The following WDR72 variants were observed in gnomAD, a reference collection of about 807,000 sequenced individuals.
WDR72 encodes the protein WD repeat-containing protein 72.
Under a neutral mutation model 124.2 loss-of-function variants are expected in WDR72, and 120 were observed. The ratio of observed to expected loss-of-function variants is 0.97; its 90% CI spans 0.83 to 1.12. WDR72 has a LOEUF of 1.12. Ranked by LOEUF, WDR72 falls within the 50% of genes most tolerant of loss-of-function variation. The pLI is 0.00. For synonymous variants in WDR72, 452 were observed against 441.7 expected, an observed-to-expected ratio of 1.02 and a Z score of -0.29; for missense variants, 1,387 against 1,278.8, an observed-to-expected ratio of 1.08 and a Z score of -1.29.
At chr15:53,703,062 C>G (rs886552392) in intron 11 of WDR72, among the ~76,000 whole-genome samples, 1 of 151,702 alleles carries the variant, frequency 6.6e-6, no homozygotes, top group Non-Finnish European at 1.5e-5. Flanking sequence ...CACAGGTGAG[C>G]GCCACCATGC....
In WDR72 at chr15:53,522,941, A is replaced by G. The variant is rs527249815; in HGVS notation, c.3253+277T>C. On this transcript the variant is annotated intron_variant, in intron 19 of 19. Coordinates refer to ENST00000360509, the MANE Select transcript of WDR72 (RefSeq NM_182758.4). ...TCTATAGTTTCCAATCTCTGGCTCT[A>G]TTAACCATTTAGCCTAAAATTGATG... Among the ~76,000 whole-genome samples, 3 of 152,150 alleles carry G rather than the reference A, an allele frequency of 2.0e-5. No individual in the cohort carries two copies. The East Asian group carries it at 5.8e-4, about 30-fold the overall frequency.
intron 18 of WDR72, among the ~76,000 whole-genome samples, chr15:53,596,742 G>A (rs2012792902): frequency 6.6e-6 from 1 of 152,096 alleles, no homozygotes. Flanking sequence ...ACAATTATAA[G>A]AGGAAATTGA....
In WDR72 at chr15:53,643,662, C is replaced by T. The variant is rs1356689894; in HGVS notation, c.1962+21910G>A. Among the ~76,000 whole-genome samples the T allele has an allele frequency of 3.3e-5, 5 of 152,032 alleles. No homozygotes were observed. The East Asian group carries it at 7.7e-4, about 23-fold the overall frequency. On this transcript the variant is annotated intron_variant, in intron 14 of 19. Coordinates refer to ENST00000360509, the MANE Select transcript of WDR72 (RefSeq NM_182758.4). ...CTGGTCTTTTCTAACTCCTCACACA[C>T]CTAGGGCTAGTCTCAGAATAATCCC...
chr15:53,671,658 C>G (rs1447568975), intron 13 of WDR72, among the ~76,000 whole-genome samples: 1 of 152,168 alleles, frequency 6.6e-6, no homozygotes, highest in African/African-American at 2.4e-5. Context: ...GACCCTAGAG[C>G]CCAGGAGAGG....
chr15:53,751,288 A>G (rs1172610999), intron 1 of WDR72, among the ~76,000 whole-genome samples: 3 of 151,930 alleles, frequency 2.0e-5, no homozygotes, highest in African/African-American at 4.8e-5. Context: ...AATGCAGCAA[A>G]CTTCATTATT....
chr15:53,584,826 C>T (rs1160884254), intron 18 of WDR72, among the ~76,000 whole-genome samples: 1 of 151,974 alleles, frequency 6.6e-6, no homozygotes, highest in Non-Finnish European at 1.5e-5. Context: ...GTATCTGTCC[C>T]CATGTTATTC....
intron 13 of WDR72, among the ~76,000 whole-genome samples, chr15:53,674,077 A>G (rs547184287): frequency 1.3e-5 from 2 of 152,350 alleles, no homozygotes; most frequent in South Asian, 2.1e-4. Context: ...AAATGAACAA[A>G]GCTTAATAGC....
chr15:53,518,918 C>CACAAAAATGTTCTATTA (rs1891627672), intron 19 of WDR72, among the ~76,000 whole-genome samples: 1 of 151,856 alleles, frequency 6.6e-6, no homozygotes, highest in Admixed American at 6.6e-5. Flanking sequence ...TTATAAAAAC[C>CACAAAAATGTTCTATTA]ACAAAAATGT....
intron 18 of WDR72, among the ~76,000 whole-genome samples, chr15:53,563,951 A>C (rs1566962061): frequency 6.6e-6 from 1 of 151,856 alleles, no homozygotes; most frequent in South Asian, 2.1e-4. Context: ...TTGTCCGCTG[A>C]ATTACAGGTT....
intron 18 of WDR72, among the ~76,000 whole-genome samples, chr15:53,554,887 G>A (rs1419377081): frequency 1.3e-5 from 2 of 151,994 alleles, no homozygotes; most frequent in Admixed American, 6.6e-5. Context: ...CAAAAACCCC[G>A]ATTTGTACTA....
intron 18 of WDR72, among the ~76,000 whole-genome samples, chr15:53,528,550 C>G (rs1041549963): frequency 6.6e-6 from 1 of 151,872 alleles, no homozygotes; most frequent in Non-Finnish European, 1.5e-5. Flanking sequence ...TAGAATGAAT[C>G]GCTTTAAAGA....
chr15:53,677,821 TATCATC>T (rs548316427), intron 13 of WDR72, among the ~76,000 whole-genome samples: 9 of 152,158 alleles, frequency 5.9e-5, no homozygotes, highest in East Asian at 1.9e-4. Context: ...TCCTCTTCTT[TATCATC>T]ATCATCATCA....
intron 18 of WDR72, among the ~76,000 whole-genome samples, chr15:53,549,403 G>A (rs117962346): frequency 6.6e-6 from 1 of 152,226 alleles, no homozygotes; most frequent in East Asian, 1.9e-4. Flanking sequence ...TTTCAGGTTT[G>A]GATGTTGACA....
chr15:53,729,559 C>T (rs1214461194), intron 2 of WDR72, among the ~76,000 whole-genome samples: 1 of 151,886 alleles, frequency 6.6e-6, no homozygotes, highest in Non-Finnish European at 1.5e-5. Context: ...CTGTCCTTTC[C>T]AGATGAGCCT....
intron 14 of WDR72, among the ~76,000 whole-genome samples, chr15:53,652,825 C>G (rs2015288828): frequency 6.6e-6 from 1 of 152,120 alleles, no homozygotes; most frequent in African/African-American, 2.4e-5. Context: ...GAGTCTTTAT[C>G]AGCTCTGTTC....
intron 12 of WDR72, among the ~76,000 whole-genome samples, chr15:53,700,676 T>C (rs2017144242): frequency 6.6e-6 from 1 of 152,158 alleles, no homozygotes; most frequent in South Asian, 2.1e-4. Context: ...CCATTACTCA[T>C]CATTAACCTC....
At chr15:53,741,329 A>G (rs193293378) in intron 1 of WDR72, among the ~76,000 whole-genome samples, 67 of 152,336 alleles carry the variant, frequency 4.4e-4, no homozygotes, top group Non-Finnish European at 7.6e-4. Context: ...AAATTAGAAA[A>G]CAAAATGGAC....
At chr15:53,751,527 G>A (rs1368063382) in intron 1 of WDR72, among the ~76,000 whole-genome samples, 1 of 152,164 alleles carries the variant, frequency 6.6e-6, no homozygotes, top group Non-Finnish European at 1.5e-5. Flanking sequence ...GCTTTGATAT[G>A]CACTGGGAAT....
intron 18 of WDR72, among the ~76,000 whole-genome samples, chr15:53,527,514 AC>A (rs1892194696): frequency 1.3e-5 from 2 of 152,070 alleles, no homozygotes; most frequent in South Asian, 2.1e-4. Context: ...CATTGAAAAA[AC>A]CCTATAATTT....
Sources: gnomAD v4.1 joint callset for allele counts (sites outside exome capture counted in the v4.1 genomes callset) on GRCh38, gnomAD v4.1.1 for gene constraint, MANE v1.5 for transcripts, NCBI Gene and HGNC (gene_info 2026-07-23, HGNC 2026-07-21) for gene names.